The following SNX5 variants were observed in gnomAD, a reference collection of about 807,000 sequenced individuals.
SNX5 encodes sorting nexin 5.
Under a neutral mutation model 53.9 loss-of-function variants are expected in SNX5, and 31 were observed. The observed-to-expected ratio is 0.58, with a 90% CI of 0.43 to 0.78. The LOEUF (loss-of-function observed/expected upper bound fraction) is 0.78. Ranked by LOEUF, SNX5 falls within the 30% of genes least tolerant of loss-of-function variation. SNX5 has a pLI of 0.00. For synonymous variants in SNX5, 168 were observed against 171.1 expected, an observed-to-expected ratio of 0.98 and a Z score of 0.14; for missense variants, 471 against 478.8, an observed-to-expected ratio of 0.98 and a Z score of 0.15.
Position 17,954,649 on chromosome 20 carries a change from C to T in SNX5, c.268-532G>A, listed in dbSNP as rs1300567280. 2.6e-5 allele frequency among the ~76,000 whole-genome samples: 4 copies of T among 152,216 alleles called. No individual in the cohort carries two copies. In the East Asian group the frequency reaches 5.8e-4, roughly 22 times the overall value. ...AACGCGTGGAAATCTCCTTTAAAATCAGTTAAGTCTGTTCCTGCCGCCAAG... is the reference window on the plus strand; with the variant it reads ...AACGCGTGGAAATCTCCTTTAAAATTAGTTAAGTCTGTTCCTGCCGCCAAG... On this transcript the variant is annotated intron_variant, in intron 3 of 12. Transcript: ENST00000377759.
intron 1 of SNX5, among the ~76,000 whole-genome samples, chr20:17,959,664 C>A (rs572174879): frequency 2.0e-5 from 3 of 152,180 alleles, no homozygotes; most frequent in African/African-American, 4.8e-5. Flanking sequence ...GTCCCCCAGG[C>A]GCAAGTTAAA....
rs1212157300 is a variant in SNX5 at position 17,959,727 on chromosome 20, AG to A, written c.52-2691del. Among the ~76,000 whole-genome samples, 4 of 152,222 alleles carry A rather than the reference AG, an allele frequency of 2.6e-5. No individual in the cohort carries two copies. The South Asian group carries it at 6.2e-4, about 24-fold the overall frequency. ...CCCTCCAGATGAGACAAACATGGGTAGAAACTTGTGAAATGACTAGAGCTTC... is the reference window on the plus strand; with the variant it reads ...CCCTCCAGATGAGACAAACATGGGTAAAACTTGTGAAATGACTAGAGCTTC... On this transcript the variant is annotated intron_variant, in intron 1 of 12. Coordinates refer to ENST00000377759, the MANE Select transcript of SNX5 (RefSeq NM_014426.4).
At chr20:17,961,141 T>G in intron 1 of SNX5, 1 of 985,428 alleles carries the variant, frequency 1.0e-6, no homozygotes. Context: ...TTTCCTCACC[T>G]ATTCATCAGC....
intron 5 of SNX5, 113 bp from the exon 6 acceptor site, chr20:17,951,708 T>G: frequency 1.5e-6 from 1 of 681,352 alleles, no homozygotes; most frequent in Non-Finnish European, 2.6e-6. Flanking sequence ...GGCAAATGCA[T>G]AAAGTATCTT....
intron 1 of SNX5, chr20:17,961,529 T>C: frequency 1.0e-6 from 1 of 985,386 alleles, no homozygotes; most frequent in Non-Finnish European, 1.2e-6. Context: ...TAGTCATTTG[T>C]ATACAATGTA....
chr20:17,967,918 C>G, intron 1 of SNX5: 1 of 395,038 alleles, frequency 2.5e-6, no homozygotes, highest in Non-Finnish European at 4.4e-6. Flanking sequence ...TGCAATTTCC[C>G]AAGTTGTTTG....
chr20:17,962,919 G>A (rs1449643833), intron 1 of SNX5: 6 of 518,442 alleles, frequency 1.2e-5, no homozygotes, highest in Non-Finnish European at 1.9e-5. Context: ...CGCACTCAGC[G>A]AATGGATAAA....
chr20:17,964,212 G>T (rs2035501425), intron 1 of SNX5, among the ~76,000 whole-genome samples: 1 of 152,160 alleles, frequency 6.6e-6, no homozygotes, highest in East Asian at 1.9e-4. Flanking sequence ...CGGTGCTCTT[G>T]AAAGAAAAAG....
chr20:17,967,999 A>G (rs2035584973), intron 1 of SNX5: 2 of 398,142 alleles, frequency 5.0e-6, no homozygotes, highest in Middle Eastern at 6.3e-4. Context: ...GCAACAAACC[A>G]AACTGGTCTG....
At chr20:17,944,563 T>G (rs181852653) in intron 11 of SNX5, 8 of 152,320 alleles carry the variant, frequency 5.3e-5, no homozygotes, top group Non-Finnish European at 8.8e-5. Context: ...TTTTTTTTCT[T>G]GAGACGGAAT....
chr20:17,961,674 A>G (rs2035452719), intron 1 of SNX5: 1 of 984,842 alleles, frequency 1.0e-6, no homozygotes, highest in Admixed American at 6.1e-5. Context: ...AGCAGAAGAT[A>G]TGTACTTAAG....
chr20:17,967,694 TC>T (rs2035573273), intron 1 of SNX5: 1 of 170,846 alleles, frequency 5.9e-6, no homozygotes, highest in Non-Finnish European at 1.2e-5. Flanking sequence ...CTCGTCTGAA[TC>T]TTTAATTGGC....
chr20:17,952,784 C>T (rs934706258), intron 4 of SNX5, 74 bp from the exon 5 acceptor site: 3 of 1,547,492 alleles, frequency 1.9e-6, no homozygotes, highest in East Asian at 2.3e-5. Context: ...CTGATTAATT[C>T]TATGGCCCTG....
Position 17,943,166 on chromosome 20 carries a change from C to T in SNX5, c.1108G>A (p.Ala370Thr), listed in dbSNP as rs2039441181. The T allele has an allele frequency of 1.2e-6, 2 of 1,609,698 alleles. No individual in the cohort carries two copies. The highest frequency in any genetic ancestry group is 2.2e-5 in the East Asian group (1 of 44,864). The stretch of plus-strand genomic sequence containing the variant: ...TCAATTAGATTCTTTCTAAATGCTG[C>T]CACTCTCTTCCGTTTGAAATTTATC... ...ELINFKRKRV[A>T]AFRKNLIEMS... The change falls in exon 12 of 13, where the codon GCA becomes ACA. Residue 370 changes from alanine (A) to threonine (T), a missense_variant. Physicochemically the swap from Ala to Thr is moderately conservative, Grantham distance 58 (BLOSUM62 0). Transcript: ENST00000377759.
rs1266889412 is a variant in SNX5, at chr20:17,950,415, G to A, written c.610-19C>T. 7.1e-7 allele frequency: 1 copy of A among 1,400,682 alleles called. No homozygotes were observed. Among genetic ancestry groups the A allele is most frequent in the Non-Finnish European group, 1.0e-6 (1 of 993,904 alleles). 86.8% of individuals were successfully genotyped at this position (1,400,682 alleles called of 1,614,324 possible). A position where few individuals can be genotyped will look rare whatever the true frequency, so the allele number is the denominator to read the frequency against. ...CTACCTCCTAGAAGGAAGAAAAAAA[G>A]AACCAGACATTTCATGAAATATACT... is the stretch of plus-strand genomic sequence containing the variant. On this transcript the variant is annotated intron_variant, in intron 6 of 12. Transcript: ENST00000377759.
At chr20:17,966,617 G>T (rs973680037) in intron 1 of SNX5, among the ~76,000 whole-genome samples, 1 of 152,144 alleles carries the variant, frequency 6.6e-6, no homozygotes, top group African/African-American at 2.4e-5. Flanking sequence ...TCAAAATCCT[G>T]AAGAATCAAG....
intron 4 of SNX5, among the ~76,000 whole-genome samples, chr20:17,953,025 C>A (rs1182055148): frequency 6.6e-6 from 1 of 152,194 alleles, no homozygotes; most frequent in Non-Finnish European, 1.5e-5. Context: ...GCAATGAGAA[C>A]CCTTTAACTG....
At chr20:17,957,971 A>G (rs921335629) in intron 1 of SNX5, among the ~76,000 whole-genome samples, 1 of 150,446 alleles carries the variant, frequency 6.6e-6, no homozygotes, top group African/African-American at 2.5e-5. Flanking sequence ...AATTGAGAGG[A>G]AAAAAACTAC....
At chr20:17,942,517 A>G in intron 12 of SNX5, 110 bp from the exon 13 acceptor site, 1 of 809,958 alleles carries the variant, frequency 1.2e-6, no homozygotes. Context: ...AAAGTCAGCC[A>G]GAGCAAGCTG....
Sources: allele counts gnomAD v4.1 joint callset (sites outside exome capture counted in the v4.1 genomes callset), GRCh38; gene constraint gnomAD v4.1.1; transcripts MANE v1.5; gene names NCBI Gene and HGNC (gene_info 2026-07-23, HGNC 2026-07-21).